The following CD46 variants were observed in gnomAD, a reference collection of about 807,000 sequenced individuals.
CD46 encodes the protein CD46 molecule.
In CD46, 30 loss-of-function variants were observed where a neutral mutation model predicts 53.3. The observed-to-expected ratio is 0.56, with a 90% confidence interval of 0.42 to 0.76. The LOEUF (loss-of-function observed/expected upper bound fraction) is 0.76, where lower values mean the gene tolerates loss of function less well. CD46 is among the 30% of genes least tolerant of loss of function. The pLI is 0.00. For synonymous variants in CD46, 142 were observed against 152.0 expected (o/e 0.93, Z 0.48); for missense variants, 409 against 463.0 (o/e 0.88, Z 1.07).
chr1:207,779,310 A>G (rs1007461670), intron 8 of CD46, among the ~76,000 whole-genome samples: 11 of 151,974 alleles, frequency 7.2e-5, no homozygotes, highest in Admixed American at 7.2e-4. Flanking sequence ...GCCTAGGACC[A>G]TCAACATACT....
At chr1:207,758,895 A>G (rs1655868610) in intron 3 of CD46, among the ~76,000 whole-genome samples, 1 of 152,246 alleles carries the variant, frequency 6.6e-6, no homozygotes, top group Admixed American at 6.5e-5. Context: ...TGAGAGCAAT[A>G]AAAGCAAAAT....
At chr1:207,765,579 G>C (rs1482910078) in intron 5 of CD46, among the ~76,000 whole-genome samples, 1 of 152,100 alleles carries the variant, frequency 6.6e-6, no homozygotes, top group Non-Finnish European at 1.5e-5. Context: ...TGTTGGAAAA[G>C]AAGAAATAAA....
chr1:207,764,507 C>G (rs1202070394), intron 5 of CD46, among the ~76,000 whole-genome samples: 1 of 152,174 alleles, frequency 6.6e-6, no homozygotes, highest in African/African-American at 2.4e-5. Context: ...GACTTCCCCC[C>G]ATCCCTTAGC....
In CD46 at chr1:207,787,014, G is replaced by C. The variant is rs114064385; in HGVS notation, c.1082+1332G>C. On this transcript the variant is annotated intron_variant, in intron 11 of 12. Transcript: ENST00000367042. ...TATCACTGCATCAGAATTTTTAAAG[G>C]TTCATTAACAAGTATTAATCAAACT... Among the ~76,000 whole-genome samples, 1,488 of 152,160 alleles carry C rather than the reference G, an allele frequency of 9.8e-3. 10 individuals carry two copies. Among genetic ancestry groups the C allele is most frequent in the Middle Eastern group, 0.024 (7 of 294 alleles).
chr1:207,753,682 C>T (rs1655176098), intron 1 of CD46, among the ~76,000 whole-genome samples: 1 of 151,106 alleles, frequency 6.6e-6, no homozygotes, highest in South Asian at 2.1e-4. Context: ...ACAAAACAAA[C>T]AAACAAAAAA....
chr1:207,778,267 T>G (rs1465861533), intron 8 of CD46, among the ~76,000 whole-genome samples: 1 of 152,212 alleles, frequency 6.6e-6, no homozygotes, highest in Non-Finnish European at 1.5e-5. Flanking sequence ...CTTCTTTTGC[T>G]GTGCAGAAGC....
chr1:207,790,218 T>C lies in CD46; in HGVS notation c.1083-35T>C, dbSNP rs554958100. On this transcript the variant is annotated intron_variant, in intron 11 of 12. Transcript: ENST00000367042. ...TCGTTTCTTTTTGGTTTGAAGTCAC[T>C]ATTTTATTCAGCCGTTTTCTCTTCC... 13 of 1,086,394 alleles carry C rather than the reference T, an allele frequency of 1.2e-5. No individual in the cohort carries two copies. The Admixed American group carries it at 1.9e-4, about 15-fold the overall frequency. 67.3% of individuals were successfully genotyped at this position (1,086,394 alleles called of 1,614,324 possible).
intron 1 of CD46, among the ~76,000 whole-genome samples, chr1:207,753,496 C>T (rs761267905): frequency 2.6e-5 from 4 of 152,306 alleles, no homozygotes; most frequent in Non-Finnish European, 1.5e-5. Flanking sequence ...ATGGCAAAAC[C>T]TTGTCTCTAC....
intron 5 of CD46, among the ~76,000 whole-genome samples, chr1:207,761,699 A>G (rs1404518461): frequency 1.4e-5 from 2 of 140,206 alleles, no homozygotes; most frequent in Non-Finnish European, 3.1e-5. Flanking sequence ...ATGAGTTAGA[A>G]GTTTTTGTTT....
intron 8 of CD46, among the ~76,000 whole-genome samples, chr1:207,781,953 C>CA (rs1658782220): frequency 6.6e-6 from 1 of 151,480 alleles, no homozygotes; most frequent in Non-Finnish European, 1.5e-5. Flanking sequence ...AAAAAAAAAC[C>CA]AAAAAATACC....
intron 8 of CD46, among the ~76,000 whole-genome samples, chr1:207,777,847 C>T (rs1658284219): frequency 1.3e-5 from 2 of 152,082 alleles, no homozygotes; most frequent in Admixed American, 6.5e-5. Flanking sequence ...GCTTTTAGGT[C>T]TTTGAGGAAT....
At chr1:207,759,990 G>A in intron 4 of CD46, 1 of 348,022 alleles carries the variant, frequency 2.9e-6, no homozygotes, top group South Asian at 3.0e-5. Context: ...TCAGCTCATT[G>A]CAGCCTCAGC....
chr1:207,787,196 G>A lies in CD46; in HGVS notation c.1082+1514G>A, dbSNP rs549327211. ...AAGGGATTCTCTGCCTCAGCCTCAC[G>A]AGTAGCTGGGATTACAGTCGTGCAC... On this transcript the variant is annotated intron_variant, in intron 11 of 12. Transcript: ENST00000367042. Among the ~76,000 whole-genome samples, 23 of 152,094 alleles carry A rather than the reference G, an allele frequency of 1.5e-4. No individual in the cohort carries two copies. The East Asian group carries it at 3.9e-3, about 26-fold the overall frequency.
chr1:207,763,955 C>CTT (rs11345183), intron 5 of CD46, among the ~76,000 whole-genome samples: 1 of 126,590 alleles, frequency 7.9e-6, no homozygotes, highest in African/African-American at 3.0e-5. Flanking sequence ...AGCTGCTACA[C>CTT]TTTTTTTTTT....
At chr1:207,779,284 C>T (rs1036607031) in intron 8 of CD46, among the ~76,000 whole-genome samples, 1 of 152,128 alleles carries the variant, frequency 6.6e-6, no homozygotes, top group African/African-American at 2.4e-5. Context: ...GTTTCTTTCT[C>T]TTATCTGATT....
intron 8 of CD46, among the ~76,000 whole-genome samples, chr1:207,773,181 T>A (rs1401275257): frequency 6.6e-6 from 1 of 152,236 alleles, no homozygotes; most frequent in Non-Finnish European, 1.5e-5. Context: ...CTAGCTTATT[T>A]GTGTAGAGGT....
intron 8 of CD46, among the ~76,000 whole-genome samples, chr1:207,773,810 G>A (rs1285885689): frequency 6.6e-6 from 1 of 152,112 alleles, no homozygotes; most frequent in Non-Finnish European, 1.5e-5. Context: ...CAATTATGTG[G>A]TCAATTTTAG....
At chr1:207,778,551 C>T (rs569351320) in intron 8 of CD46, among the ~76,000 whole-genome samples, 1 of 152,270 alleles carries the variant, frequency 6.6e-6, no homozygotes, top group African/African-American at 2.4e-5. Context: ...GAATCTTTTT[C>T]CCATTGCTTG....
chr1:207,770,767 G>A (rs1353303467), intron 8 of CD46, among the ~76,000 whole-genome samples: 2 of 152,178 alleles, frequency 1.3e-5, no homozygotes, highest in Non-Finnish European at 2.9e-5. Flanking sequence ...ATTCCATGGT[G>A]TATATGTGCC....
Sources: allele counts gnomAD v4.1 joint callset (sites outside exome capture counted in the v4.1 genomes callset), GRCh38; gene constraint gnomAD v4.1.1; transcripts MANE v1.5; gene names NCBI Gene and HGNC (gene_info 2026-07-23, HGNC 2026-07-21).